Variants in RBM33 observed in about 807,000 individuals in gnomAD.
The protein encoded by RBM33 is RNA binding motif protein 33, also known as RNA-binding protein 33.
A neutral mutation model predicts 132.6 loss-of-function variants in RBM33; 28 were observed. The observed-to-expected ratio is 0.21, with a 90% confidence interval of 0.16 to 0.29. The LOEUF is 0.29. Ranked by LOEUF, RBM33 falls within the 10% of genes least tolerant of loss-of-function variation. RBM33 has a pLI of 1.00. For synonymous variants in RBM33, 634 were observed against 593.0 expected (o/e 1.07, Z -1.01); for missense variants, 1,291 against 1,518.5 (o/e 0.85, Z 2.49).
chr7:155,763,858 G>C lies in RBM33; in HGVS notation c.3026G>C (p.Arg1009Pro). 2 of 1,612,130 alleles carry C rather than the reference G, an allele frequency of 1.2e-6. No individual in the cohort carries two copies. The highest frequency in any genetic ancestry group is 1.7e-6 in the Non-Finnish European group (2 of 1,179,172). The change falls in exon 15 of 18, where the codon CGG becomes CCG. Residue 1009 changes from arginine to proline, a missense_variant. Coordinates refer to ENST00000401878, the MANE Select transcript of RBM33 (RefSeq NM_053043.3). ...GFFHPEGQPQ[R>P]LPQPPEVGPQ... ...TTTCACCCAGAAGGCCAGCCCCAGC[G>C]GCTTCCCCAGCCTCCGGAAGTGGGA...
chr7:155,700,601 T>TTATTTTC (rs1799933805), intron 5 of RBM33, among the ~76,000 whole-genome samples, 172 bp from the exon 6 acceptor site: 2 of 148,362 alleles, frequency 1.3e-5, no homozygotes, highest in Non-Finnish European at 3.0e-5. Flanking sequence ...ATGTTTAAGG[T>TTATTTTC]TATTTTCTCC....
At chr7:155,709,353 G>A (rs1339762236) in intron 7 of RBM33, among the ~76,000 whole-genome samples, 1 of 152,064 alleles carries the variant, frequency 6.6e-6, no homozygotes, top group Non-Finnish European at 1.5e-5. Flanking sequence ...AAATCTCTTT[G>A]AACAGTTTTG....
At chr7:155,667,004 C>A (rs1169933168) in intron 2 of RBM33, among the ~76,000 whole-genome samples, 1 of 152,186 alleles carries the variant, frequency 6.6e-6, no homozygotes, top group Non-Finnish European at 1.5e-5. Context: ...TTGACCTTCT[C>A]TTACACTCAT....
chr7:155,756,489 G>A (rs1373144654), intron 14 of RBM33, among the ~76,000 whole-genome samples: 1 of 152,206 alleles, frequency 6.6e-6, no homozygotes, highest in Non-Finnish European at 1.5e-5. Flanking sequence ...TCAGGAAGTT[G>A]TTTTGGTATA....
At chr7:155,746,898 C>A (rs1038262882) in intron 14 of RBM33, among the ~76,000 whole-genome samples, 3 of 152,174 alleles carry the variant, frequency 2.0e-5, no homozygotes, top group Admixed American at 2.0e-4. Flanking sequence ...TAACTTATCT[C>A]TTTTAGTCCA....
At chr7:155,662,988 C>A (rs765792694) in intron 1 of RBM33, among the ~76,000 whole-genome samples, 42 of 152,116 alleles carry the variant, frequency 2.8e-4, no homozygotes, top group Non-Finnish European at 4.3e-4. Context: ...GCCATTCTTG[C>A]CAGATTTTTG....
chr7:155,673,940 G>GTTGTTGTTTGTTTTTGTTTTTTT, intron 3 of RBM33, among the ~76,000 whole-genome samples: 4 of 54,214 alleles, frequency 7.4e-5, no homozygotes, highest in Non-Finnish European at 9.7e-5. Context: ...TTTAGGCTTA[G>GTTGTTGTTTGTTTTTGTTTTTTT]TTTTTTTTTT....
intron 7 of RBM33, among the ~76,000 whole-genome samples, chr7:155,708,914 C>T (rs1189511801): frequency 6.6e-6 from 1 of 151,904 alleles, no homozygotes; most frequent in Non-Finnish European, 1.5e-5. Flanking sequence ...TCTGCTTGTA[C>T]CCATTTTCTC....
intron 16 of RBM33, among the ~76,000 whole-genome samples, chr7:155,772,402 T>G (rs1802461131): frequency 6.6e-6 from 1 of 152,216 alleles, no homozygotes; most frequent in Admixed American, 6.5e-5. Flanking sequence ...CTCTATTGTT[T>G]CAGTGACTGA....
At chr7:155,682,066 G>A (rs995365946) in intron 5 of RBM33, among the ~76,000 whole-genome samples, 1 of 151,804 alleles carries the variant, frequency 6.6e-6, no homozygotes, top group Non-Finnish European at 1.5e-5. Flanking sequence ...GATTACAGGC[G>A]CCCACCATCA....
At chr7:155,665,083 G>A (rs1351548710) in intron 1 of RBM33, 92 bp from the exon 2 acceptor site, 3 of 977,804 alleles carry the variant, frequency 3.1e-6, no homozygotes, top group African/African-American at 1.6e-5. Flanking sequence ...GTCAAGTCAG[G>A]AATCCTTAAA....
At chr7:155,655,531 TGCC>T (rs1798468627) in intron 1 of RBM33, among the ~76,000 whole-genome samples, 1 of 130,756 alleles carries the variant, frequency 7.6e-6, no homozygotes, top group Middle Eastern at 3.7e-3. Flanking sequence ...TAAGGCTGTT[TGCC>T]TTTTTTTTTT....
At chr7:155,668,370 C>T (rs538474191) in intron 2 of RBM33, among the ~76,000 whole-genome samples, 5 of 152,250 alleles carry the variant, frequency 3.3e-5, no homozygotes, top group African/African-American at 7.2e-5. Flanking sequence ...AGCAAGGTAG[C>T]GTGTCTTCTA....
intron 16 of RBM33, among the ~76,000 whole-genome samples, chr7:155,768,512 C>T (rs527875634): frequency 6.6e-6 from 1 of 152,212 alleles, no homozygotes; most frequent in Non-Finnish European, 1.5e-5. Context: ...TATGGCACCA[C>T]CTAGTGTTCA....
intron 1 of RBM33, among the ~76,000 whole-genome samples, chr7:155,650,885 T>G (rs954574009): frequency 6.6e-6 from 1 of 152,168 alleles, no homozygotes; most frequent in African/African-American, 2.4e-5. Context: ...TGTTGTTGTT[T>G]TTGTTTTGAG....
chr7:155,674,857 C>G (rs1030527000), intron 3 of RBM33, among the ~76,000 whole-genome samples: 45 of 152,124 alleles, frequency 3.0e-4, no homozygotes, highest in African/African-American at 1.1e-3. Context: ...ATTTCCTCTT[C>G]TCTGTTCTTT....
chr7:155,649,605 GT>G (rs370940488), intron 1 of RBM33, among the ~76,000 whole-genome samples: 75 of 152,170 alleles, frequency 4.9e-4, no homozygotes, highest in East Asian at 4.4e-3. Flanking sequence ...AAGTCAGAAT[GT>G]CCCCCCCCTT....
In RBM33 at chr7:155,774,001, ACT is replaced by A. The variant is rs1387172083; in HGVS notation, c.3376-555_3376-554del. On this transcript the variant is annotated intron_variant, in intron 16 of 17. Transcript: ENST00000401878. The surrounding 1 kb of genome is among the most constrained non-coding windows in gnomAD (Gnocchi z 4.2). ...CACTGTTTAAGACTGGTGTTCACAAACTCTTAAAGTACAAAATGTGACCACGT... is the reference window on the plus strand; with the variant it reads ...CACTGTTTAAGACTGGTGTTCACAAACTTAAAGTACAAAATGTGACCACGT... Among the ~76,000 whole-genome samples, 1 of 152,072 alleles carries A rather than the reference ACT, an allele frequency of 6.6e-6. No individual in the cohort carries two copies. The highest frequency in any genetic ancestry group is 1.5e-5 in the Non-Finnish European group (1 of 67,994).
chr7:155,732,239 C>T (rs1800976526), intron 9 of RBM33, among the ~76,000 whole-genome samples: 1 of 152,202 alleles, frequency 6.6e-6, no homozygotes, highest in South Asian at 2.1e-4. Flanking sequence ...TTGCTTTACT[C>T]TTTGTTAAAA....
Sources: gnomAD v4.1 joint callset for allele counts (sites outside exome capture counted in the v4.1 genomes callset) on GRCh38, gnomAD v4.1.1 for gene constraint, Gnocchi (gnomAD v3.1) non-coding constraint, MANE v1.5 for transcripts, NCBI Gene and HGNC (gene_info 2026-07-23, HGNC 2026-07-21) for gene names.